Variants in WNT3A observed in about 807,000 individuals in gnomAD.
WNT3A encodes the protein protein Wnt-3a.
Under a neutral mutation model 37.0 loss-of-function variants are expected in WNT3A, and 17 were observed. That is an observed-to-expected ratio of 0.46 (90% CI 0.31 to 0.69). The LOEUF is 0.69. Among genes scored for constraint, WNT3A ranks in the 30% least tolerant of loss-of-function variants. The pLI, the probability that WNT3A is intolerant of heterozygous loss-of-function variation, is 0.05. For missense variants in WNT3A, 411 were observed against 510.2 expected, an observed-to-expected ratio of 0.81 and a Z score of 1.87; for synonymous variants, 187 against 211.0, an observed-to-expected ratio of 0.89 and a Z score of 0.99.
chr1:228,034,807 C>A (rs1284012606), intron 2 of WNT3A, among the ~76,000 whole-genome samples: 1 of 152,058 alleles, frequency 6.6e-6, no homozygotes, highest in Non-Finnish European at 1.5e-5. Context: ...ATTAAAGGTG[C>A]CTGATTTTCA....
rs148913694 is a variant in WNT3A, at chr1:228,010,723, C to T, written c.71+3524C>T. On this transcript the variant is annotated intron_variant, in intron 1 of 3. Transcript: ENST00000284523. ...CAGCGAAGTGCAGTGTGGGCTGTGT[C>T]CAGCCTTTTGCCTGCCCCTGGCCTG... Among the ~76,000 whole-genome samples the T allele has an allele frequency of 3.3e-5, 5 of 152,252 alleles. No individual in the cohort carries two copies. The East Asian group carries it at 9.6e-4, about 29-fold the overall frequency.
In WNT3A at chr1:228,023,745, T is replaced by C. The variant is rs373892105; in HGVS notation, c.313+837T>C. On this transcript the variant is annotated intron_variant, in intron 2 of 3. Transcript: ENST00000284523. The stretch of plus-strand genomic sequence containing the variant: ...AGCATTTGGTATACTCACAGAATTG[T>C]GCAACCATCACCTGCCTAGTTCCAA... Among the ~76,000 whole-genome samples, 6 of 152,344 alleles carry C rather than the reference T, an allele frequency of 3.9e-5. No individual in the cohort carries two copies. In the East Asian group the frequency reaches 9.6e-4, roughly 24 times the overall value.
chr1:228,047,642 A>AT (rs2031455390), intron 2 of WNT3A, among the ~76,000 whole-genome samples: 1 of 152,162 alleles, frequency 6.6e-6, no homozygotes, highest in African/African-American at 2.4e-5. Context: ...GAGGCTGGTA[A>AT]TTTATAAGAA....
At position 228,060,341 on chromosome 1, in the gene WNT3A, G is replaced by C; in HGVS notation, c.*876G>C. 1 of 1,322,998 alleles carries C rather than the reference G, an allele frequency of 7.6e-7. No homozygotes were observed. The highest frequency in any genetic ancestry group is 1.0e-6 in the Non-Finnish European group (1 of 996,584). 82.0% of individuals were successfully genotyped at this position (1,322,998 alleles called of 1,614,324 possible). On this transcript the variant is annotated 3_prime_UTR_variant, in exon 4 of 4. Transcript: ENST00000284523. The stretch of plus-strand genomic sequence containing the variant: ...TCCCCAACCCGTGCCCCTGGGATCC[G>C]AGGGCCCCTCTCCAAGCGCCTGGCT...
intron 1 of WNT3A, among the ~76,000 whole-genome samples, chr1:228,021,461 G>A (rs933233872): frequency 6.6e-6 from 1 of 152,078 alleles, no homozygotes; most frequent in East Asian, 1.9e-4. Context: ...GGATGCGGAG[G>A]GCCCCAGGAG....
chr1:228,029,906 C>A (rs1434541312), intron 2 of WNT3A, among the ~76,000 whole-genome samples: 1 of 151,918 alleles, frequency 6.6e-6, no homozygotes, highest in African/African-American at 2.4e-5. Context: ...TCAAGACCAG[C>A]CTGGGAAACA....
rs551501618 is a variant in WNT3A, at chr1:228,059,841, T to A, written c.*376T>A. ...GGCGAGGCCCCTCCCAGTAAGGGCGTGGCTCTGGGTGGGCGGGGCACTAGG... is the reference window on the plus strand; with the variant it reads ...GGCGAGGCCCCTCCCAGTAAGGGCGAGGCTCTGGGTGGGCGGGGCACTAGG... On this transcript the variant is annotated 3_prime_UTR_variant, in exon 4 of 4. Coordinates refer to ENST00000284523, the MANE Select transcript of WNT3A (RefSeq NM_033131.4). 462 of 1,053,446 alleles carry A rather than the reference T, an allele frequency of 4.4e-4. 2 individuals are homozygous for A. The African/African-American group carries it at 7.7e-3, about 17-fold the overall frequency. The allele number at this position is 1,053,446 out of a possible 1,614,324, so 65.3% of individuals were successfully genotyped here.
In WNT3A at chr1:228,060,117, C is replaced by A. The variant is rs867232012; in HGVS notation, c.*652C>A. On this transcript the variant is annotated 3_prime_UTR_variant, in exon 4 of 4. Coordinates refer to ENST00000284523, the MANE Select transcript of WNT3A (RefSeq NM_033131.4). ...CCTGTGGGTGGGGCTTCTCTGGGAC[C>A]AGGCTCCAATGGGGCGGGGCTTCTC... The A allele has an allele frequency of 1.3e-4, 172 of 1,310,448 alleles. No homozygotes were observed. The highest frequency in any genetic ancestry group is 1.7e-4 in the Non-Finnish European group (169 of 1,000,410). The allele number at this position is 1,310,448 out of a possible 1,614,324, so 81.2% of individuals were successfully genotyped here.
At chr1:228,046,730 A>G (rs1218137371) in intron 2 of WNT3A, among the ~76,000 whole-genome samples, 1 of 143,350 alleles carries the variant, frequency 7.0e-6, no homozygotes, top group African/African-American at 2.6e-5. Context: ...GTGTTCATGT[A>G]TGTAGTGGGG....
chr1:228,025,046 G>C (rs2030818801), intron 2 of WNT3A, among the ~76,000 whole-genome samples: 1 of 152,132 alleles, frequency 6.6e-6, no homozygotes, highest in African/African-American at 2.4e-5. Context: ...TTGTAGCTTT[G>C]TGGTATGTTT....
intron 2 of WNT3A, among the ~76,000 whole-genome samples, chr1:228,045,763 G>A: frequency 6.6e-6 from 1 of 152,216 alleles, no homozygotes; most frequent in South Asian, 2.1e-4. Flanking sequence ...AGGAAACAGC[G>A]GAGGTTGCAT....
rs2030239243 is a variant in WNT3A at position 228,007,653 on chromosome 1, CGAT to C, written c.71+457_71+459del. The stretch of plus-strand genomic sequence containing the variant: ...ACACACACACGTTTTAAAACAAAGT[CGAT>C]GAGACAAGACTGAACAGCTCGGAGC... On this transcript the variant is annotated intron_variant, in intron 1 of 3. Coordinates refer to ENST00000284523, the MANE Select transcript of WNT3A (RefSeq NM_033131.4). The surrounding 1 kb of genome is among the most constrained non-coding windows in gnomAD (Gnocchi z 6.0). 6.6e-6 allele frequency among the ~76,000 whole-genome samples: 1 copy of C among 152,148 alleles called. No individual in the cohort carries two copies. Among genetic ancestry groups the C allele is most frequent in the Non-Finnish European group, 1.5e-5 (1 of 68,026 alleles).
chr1:228,058,805 G>A (rs2031732257), intron 3 of WNT3A, among the ~76,000 whole-genome samples, 181 bp from the exon 4 acceptor site: 1 of 152,258 alleles, frequency 6.6e-6, no homozygotes, highest in Non-Finnish European at 1.5e-5. Flanking sequence ...TCTGGCAAGG[G>A]AGCAGGCACC....
intron 1 of WNT3A, among the ~76,000 whole-genome samples, chr1:228,020,614 C>T (rs1029836572): frequency 6.6e-6 from 1 of 152,238 alleles, no homozygotes; most frequent in Non-Finnish European, 1.5e-5. Context: ...CCAACCCAGG[C>T]TGCATCAGCA....
intron 3 of WNT3A, among the ~76,000 whole-genome samples, chr1:228,054,607 G>A (rs1251659652): frequency 2.3e-5 from 3 of 128,936 alleles, no homozygotes; most frequent in African/African-American, 8.9e-5. Flanking sequence ...CAGCCTGGGC[G>A]ACAGAGTGAG....
chr1:228,060,573 G>T lies in WNT3A; in HGVS notation c.*1108G>T. On this transcript the variant is annotated 3_prime_UTR_variant, in exon 4 of 4. Transcript: ENST00000284523. ...TCCCAAAGAGGCCCGCCCTGCCCGG[G>T]CTCCCACACCGTCAGGTACTCCTGC... is the stretch of plus-strand genomic sequence containing the variant. 1 of 253,850 alleles carries T rather than the reference G, an allele frequency of 3.9e-6. No homozygotes were observed. The highest frequency in any genetic ancestry group is 4.1e-5 in the South Asian group (1 of 24,674). The allele number at this position is 253,850 out of a possible 1,614,324, so 15.7% of individuals were successfully genotyped here.
intron 1 of WNT3A, among the ~76,000 whole-genome samples, chr1:228,009,621 C>G (rs575132370): frequency 6.6e-6 from 1 of 152,330 alleles, no homozygotes; most frequent in Admixed American, 6.5e-5. Flanking sequence ...CAGCCCCTCC[C>G]TAACATGAAG....
intron 2 of WNT3A, among the ~76,000 whole-genome samples, chr1:228,029,349 A>G (rs1224756319): frequency 6.6e-6 from 1 of 152,182 alleles, no homozygotes; most frequent in Non-Finnish European, 1.5e-5. Context: ...TGTAGGGCGG[A>G]ATGTGCATAG....
chr1:228,028,867 G>C (rs2030921510), intron 2 of WNT3A, among the ~76,000 whole-genome samples: 2 of 152,200 alleles, frequency 1.3e-5, no homozygotes. Flanking sequence ...CCAGGTGGCA[G>C]TGGCTTTATT....
Sources: gnomAD v4.1 joint callset for allele counts (sites outside exome capture counted in the v4.1 genomes callset) on GRCh38, gnomAD v4.1.1 for gene constraint, Gnocchi (gnomAD v3.1) non-coding constraint, MANE v1.5 for transcripts, NCBI Gene and HGNC (gene_info 2026-07-23, HGNC 2026-07-21) for gene names.